The following DCLK1 variants were observed in gnomAD, a reference collection of about 807,000 sequenced individuals.
DCLK1 encodes serine/threonine-protein kinase DCLK1.
DCLK1 carries 16 observed loss-of-function variants against 86.2 expected under a neutral mutation model. The observed-to-expected ratio is 0.19, with a 90% CI of 0.13 to 0.28. The LOEUF (loss-of-function observed/expected upper bound fraction) is 0.28. Ranked by LOEUF, DCLK1 falls within the 10% of genes least tolerant of loss-of-function variation. The pLI is 1.00. For missense variants in DCLK1, 590 were observed against 940.2 expected (o/e 0.63, Z 4.87); for synonymous variants, 369 against 370.5 (o/e 1.00, Z 0.05).
At chr13:35,901,940 T>C (rs1874391933) in intron 4 of DCLK1, among the ~76,000 whole-genome samples, 1 of 152,090 alleles carries the variant, frequency 6.6e-6, no homozygotes, top group African/African-American at 2.4e-5. Flanking sequence ...GGAAGGGAAC[T>C]AAGTGATGAG....
intron 14 of DCLK1, 37 bp from the exon 15 acceptor site, chr13:35,805,816 T>G: frequency 1.3e-6 from 2 of 1,591,614 alleles, no homozygotes; most frequent in Admixed American, 1.7e-5. Context: ...TTATCTGAAT[T>G]TAAGGTGAAA....
intron 5 of DCLK1, among the ~76,000 whole-genome samples, chr13:35,859,521 A>T (rs1871263928): frequency 6.6e-6 from 1 of 151,824 alleles, no homozygotes; most frequent in Admixed American, 6.6e-5. Context: ...ACGGTACATG[A>T]CCCTCCTTTA....
chr13:35,881,922 C>A (rs17053063), intron 4 of DCLK1, among the ~76,000 whole-genome samples: 2,265 of 152,308 alleles, frequency 0.015, 50 homozygotes, highest in African/African-American at 0.051. Context: ...TAACGCTGGG[C>A]CTACACTCAT....
At chr13:35,858,539 G>T (rs1312856839) in intron 5 of DCLK1, among the ~76,000 whole-genome samples, 1 of 152,132 alleles carries the variant, frequency 6.6e-6, no homozygotes, top group Non-Finnish European at 1.5e-5. Context: ...ATGAGTGGCT[G>T]GTCCTGGCAC....
intron 4 of DCLK1, among the ~76,000 whole-genome samples, chr13:35,939,201 C>CTA (rs2153131261): frequency 6.6e-6 from 1 of 152,248 alleles, no homozygotes; most frequent in East Asian, 1.9e-4. Flanking sequence ...GAGCAAAGCA[C>CTA]GTTAGCCAAT....
chr13:36,096,252 A>G (rs1023546080), intron 3 of DCLK1, among the ~76,000 whole-genome samples: 4 of 152,186 alleles, frequency 2.6e-5, no homozygotes, highest in Admixed American at 6.5e-5. Flanking sequence ...TCAGCCAGAG[A>G]CCAGCTTTTC....
At chr13:35,933,264 C>T (rs1029269292) in intron 4 of DCLK1, among the ~76,000 whole-genome samples, 6 of 152,232 alleles carry the variant, frequency 3.9e-5, no homozygotes, top group African/African-American at 1.4e-4. Flanking sequence ...CACAGACTGG[C>T]ATTGAGTGTC....
intron 5 of DCLK1, among the ~76,000 whole-genome samples, chr13:35,867,909 AAAAGAAAGAAAGAAAGAAAG>A (rs34489580): frequency 1.5e-4 from 15 of 102,434 alleles, no homozygotes; most frequent in South Asian, 7.5e-4. Context: ...GAAAGAAAGA[AAAAGAAAGAAAGAAAGAAAG>A]AAAGAAAGAA....
intron 4 of DCLK1, among the ~76,000 whole-genome samples, chr13:35,906,161 G>C (rs1003205606): frequency 1.3e-5 from 2 of 152,144 alleles, no homozygotes; most frequent in Non-Finnish European, 2.9e-5. Context: ...CAGCAAAACA[G>C]ATAGAAACAG....
At chr13:35,995,105 A>G (rs1006456901) in intron 3 of DCLK1, among the ~76,000 whole-genome samples, 4 of 152,218 alleles carry the variant, frequency 2.6e-5, no homozygotes, top group Non-Finnish European at 5.9e-5. Context: ...TCTCCAAGGT[A>G]GCTTTGTAGT....
At chr13:35,969,454 A>G (rs1424242541) in intron 3 of DCLK1, among the ~76,000 whole-genome samples, 1 of 152,236 alleles carries the variant, frequency 6.6e-6, no homozygotes, top group Non-Finnish European at 1.5e-5. Context: ...CAGAAGCTGG[A>G]AGAGACAAGG....
At chr13:35,813,540 A>G (rs1370477476) in intron 11 of DCLK1, among the ~76,000 whole-genome samples, 2 of 152,174 alleles carry the variant, frequency 1.3e-5, no homozygotes, top group Admixed American at 6.5e-5. Context: ...CAAAGTTTCA[A>G]TAACTAAGAA....
chr13:35,816,726 G>A (rs1178294915), intron 11 of DCLK1, among the ~76,000 whole-genome samples: 1 of 152,154 alleles, frequency 6.6e-6, no homozygotes, highest in Non-Finnish European at 1.5e-5. Flanking sequence ...AGGATGTCCT[G>A]CCACTACTGG....
chr13:35,835,271 A>C (rs994171300), intron 8 of DCLK1, among the ~76,000 whole-genome samples: 1 of 152,110 alleles, frequency 6.6e-6, no homozygotes, highest in Non-Finnish European at 1.5e-5. Flanking sequence ...GCCAGAGGAC[A>C]CAGTCCCTCA....
At chr13:36,011,802 C>G (rs9531346) in intron 3 of DCLK1, among the ~76,000 whole-genome samples, 64,890 of 143,068 alleles carry the variant, frequency 0.45, 15,359 homozygotes, top group South Asian at 0.64. Context: ...CTGTCTCGTT[C>G]ATCTGTCTAA....
chr13:35,814,263 GCGCACACA>G (rs1566546551), intron 11 of DCLK1, among the ~76,000 whole-genome samples: 1 of 152,092 alleles, frequency 6.6e-6, no homozygotes, highest in African/African-American at 2.4e-5. Flanking sequence ...GCCTGCACGC[GCGCACACA>G]CGCACACACA....
intron 3 of DCLK1, among the ~76,000 whole-genome samples, chr13:36,004,020 GA>G (rs1465855162): frequency 6.6e-6 from 1 of 152,100 alleles, no homozygotes; most frequent in East Asian, 1.9e-4. Flanking sequence ...TAGTCACTCT[GA>G]AAAGAAGCAA....
chr13:36,119,721 T>C (rs1885914945), intron 2 of DCLK1, among the ~76,000 whole-genome samples: 1 of 152,108 alleles, frequency 6.6e-6, no homozygotes, highest in South Asian at 2.1e-4. Flanking sequence ...GTCAAGGTCA[T>C]TAAAGATAAG....
intron 3 of DCLK1, among the ~76,000 whole-genome samples, chr13:36,050,599 T>G (rs922360065): frequency 1.5e-4 from 23 of 152,196 alleles, no homozygotes; most frequent in Non-Finnish European, 1.3e-4. Flanking sequence ...TTGTGACATG[T>G]GAGGATTAGG....
Sources: allele counts gnomAD v4.1 joint callset (sites outside exome capture counted in the v4.1 genomes callset), GRCh38; gene constraint gnomAD v4.1.1; transcripts MANE v1.5; gene names NCBI Gene and HGNC (gene_info 2026-07-23, HGNC 2026-07-21).